KIAA0930: variants seen among roughly 807,000 people sequenced by gnomAD.
The protein encoded by KIAA0930 is uncharacterized protein KIAA0930.
A neutral mutation model predicts 43.9 loss-of-function variants in KIAA0930; 24 were observed. The observed-to-expected ratio is 0.55, with a 90% confidence interval of 0.40 to 0.77. The LOEUF (loss-of-function observed/expected upper bound fraction) is 0.77. Among genes scored for constraint, KIAA0930 ranks in the 30% least tolerant of loss-of-function variants. The pLI is 0.00. For synonymous variants in KIAA0930, 259 were observed against 216.4 expected, an observed-to-expected ratio of 1.20 and a Z score of -1.73; for missense variants, 461 against 574.2, an observed-to-expected ratio of 0.80 and a Z score of 2.02.
At chr22:45,198,481 G>A (rs2083557134) in intron 8 of KIAA0930, among the ~76,000 whole-genome samples, 1 of 152,220 alleles carries the variant, frequency 6.6e-6, no homozygotes, top group Admixed American at 6.5e-5. Flanking sequence ...GCAGGTCGAG[G>A]CCAGTGCTGG....
At position 45,196,972 on chromosome 22, in the gene KIAA0930, C is replaced by T. The variant is rs1037606535; in HGVS notation, c.*204G>A. Reference sequence around the variant, plus strand: ...GGGCGGGGGGCACAGGGCGGAGCAGCGCCAGCAGGGGAGGGAAGAGGCACT... The same window carrying T: ...GGGCGGGGGGCACAGGGCGGAGCAGTGCCAGCAGGGGAGGGAAGAGGCACT... On this transcript the variant is annotated 3_prime_UTR_variant, in exon 10 of 10. Transcript: ENST00000336156. This position sits in a 1 kb window ranked among gnomAD's most constrained non-coding sequence, Gnocchi z 4.1. The T allele has an allele frequency of 3.7e-6, 2 of 541,712 alleles. No individual in the cohort carries two copies. The highest frequency in any genetic ancestry group is 6.5e-6 in the Non-Finnish European group (2 of 306,888). The allele number at this position is 541,712 out of a possible 1,614,324, so 33.6% of individuals were successfully genotyped here. A position where few individuals can be genotyped will look rare whatever the true frequency, so the allele number is the denominator to read the frequency against.
Position 45,196,873 on chromosome 22 carries a change from C to T in KIAA0930, c.*303G>A. ...CTGGGCATCAGCTGCTCCTTCCGCT[C>T]TCTCTCATGGCCGCTCGGCATCTCT... On this transcript the variant is annotated 3_prime_UTR_variant, in exon 10 of 10. Coordinates refer to ENST00000336156, the MANE Select transcript of KIAA0930 (RefSeq NM_001009880.2). The surrounding 1 kb of genome is among the most constrained non-coding windows in gnomAD (Gnocchi z 4.1). 2.6e-6 allele frequency: 1 copy of T among 388,362 alleles called. No individual in the cohort carries two copies. Among genetic ancestry groups the T allele is most frequent in the Admixed American group, 4.7e-5 (1 of 21,420 alleles). The allele number at this position is 388,362 out of a possible 1,614,324, so 24.1% of individuals were successfully genotyped here. A position where few individuals can be genotyped will look rare whatever the true frequency, so the allele number is the denominator to read the frequency against.
chr22:45,201,372 G>A (rs1032163154), intron 7 of KIAA0930, among the ~76,000 whole-genome samples: 2 of 152,136 alleles, frequency 1.3e-5, no homozygotes, highest in African/African-American at 4.8e-5. Context: ...AGCTGCTAAG[G>A]CACCAGGGAC....
At chr22:45,218,550 G>A (rs1244851333) in intron 1 of KIAA0930, among the ~76,000 whole-genome samples, 1 of 151,656 alleles carries the variant, frequency 6.6e-6, no homozygotes, top group Non-Finnish European at 1.5e-5. Context: ...TTTATGAGGT[G>A]GGGACCACCT....
intron 6 of KIAA0930, among the ~76,000 whole-genome samples, 172 bp downstream of exon 6, chr22:45,203,673 C>T (rs1256419241): frequency 2.0e-5 from 3 of 152,100 alleles, no homozygotes; most frequent in Non-Finnish European, 2.9e-5. Context: ...TGAAGAATGA[C>T]GTTAAGAGGA....
At chr22:45,231,481 G>A (rs1425272087) in intron 1 of KIAA0930, among the ~76,000 whole-genome samples, 1 of 152,124 alleles carries the variant, frequency 6.6e-6, no homozygotes, top group Non-Finnish European at 1.5e-5. Context: ...ACAGGATACA[G>A]AGGCAGGGGT....
chr22:45,217,947 G>A (rs1808264760), intron 1 of KIAA0930, among the ~76,000 whole-genome samples: 1 of 152,138 alleles, frequency 6.6e-6, no homozygotes, highest in African/African-American at 2.4e-5. Context: ...GGACTAGCAG[G>A]GGAGAGGGCG....
intron 1 of KIAA0930, among the ~76,000 whole-genome samples, chr22:45,232,653 G>C (rs543039771): frequency 1.8e-4 from 28 of 152,314 alleles, no homozygotes; most frequent in Non-Finnish European, 3.7e-4. Context: ...TGCCTCAGCC[G>C]AAACTGGGAC....
At chr22:45,227,629 T>C (rs2083810446) in intron 1 of KIAA0930, among the ~76,000 whole-genome samples, 1 of 152,092 alleles carries the variant, frequency 6.6e-6, no homozygotes, top group Non-Finnish European at 1.5e-5. Flanking sequence ...GGGCTGTCAC[T>C]GGAATGAAAC....
intron 1 of KIAA0930, among the ~76,000 whole-genome samples, chr22:45,216,640 C>T (rs2083734363): frequency 1.3e-5 from 2 of 152,086 alleles, no homozygotes; most frequent in African/African-American, 2.4e-5. Context: ...CAGGGGCTGC[C>T]GAGCAAGAAA....
chr22:45,198,138 C>T lies in KIAA0930; in HGVS notation c.1016-190G>A, dbSNP rs761345892. 180 of 593,580 alleles carry T rather than the reference C, an allele frequency of 3.0e-4. No individual in the cohort carries two copies. In the Middle Eastern group the frequency reaches 4.5e-3, roughly 15 times the overall value. 36.8% of individuals were successfully genotyped at this position (593,580 alleles called of 1,614,324 possible). ...TCGCCTGTAACACCCCTCCCTGCTT[C>T]CTCTGGCCCAGACCCAGGCCTCCAA... On this transcript the variant is annotated intron_variant, in intron 8 of 9. Transcript: ENST00000336156.
At chr22:45,211,813 G>C in intron 2 of KIAA0930, 143 bp downstream of exon 2, 1 of 850,184 alleles carries the variant, frequency 1.2e-6, no homozygotes, top group Non-Finnish European at 1.9e-6. Context: ...ACAGTTCCTG[G>C]AATACAGTAG....
At chr22:45,235,524 G>A (rs1017860896) in intron 1 of KIAA0930, 9 of 147,432 alleles carry the variant, frequency 6.1e-5, no homozygotes, top group Admixed American at 2.0e-4. Flanking sequence ...AACTAGCTCT[G>A]ACTGCTGTGG....
rs2083600213 is a variant in KIAA0930 at position 45,202,755 on chromosome 22, A to G, written c.852+235T>C. 6.5e-6 allele frequency: 3 copies of G among 461,732 alleles called. 1 individual carries two copies. The highest frequency in any genetic ancestry group is 7.4e-5 in the East Asian group (2 of 26,892). 28.6% of individuals were successfully genotyped at this position (461,732 alleles called of 1,614,324 possible). ...CTGCGGTGTGACCTTGGCCAGGCACAGCCCTCCAGGTCTGCAAGGCAGGAA... is the reference window on the plus strand; with the variant it reads ...CTGCGGTGTGACCTTGGCCAGGCACGGCCCTCCAGGTCTGCAAGGCAGGAA... On this transcript the variant is annotated intron_variant, in intron 7 of 9. Transcript: ENST00000336156.
Position 45,197,214 on chromosome 22 carries a change from T to C in KIAA0930, c.1177A>G (p.Ile393Val), listed in dbSNP as rs745497797. The C allele has an allele frequency of 3.2e-6, 5 of 1,550,390 alleles. No homozygotes were observed. The highest frequency in any genetic ancestry group is 2.4e-5 in the South Asian group (2 of 83,850). Residue 393 changes from isoleucine to valine, a missense_variant and splice_region_variant, in exon 10 of 10, where the codon ATC becomes GTC. Ile to Val is a conservative substitution (Grantham distance 29). Transcript: ENST00000336156. ...ATGGGCTTCTGCCGAACTTCCAGGA[T>C]GTCTAGGGCCGGCAGGAGGGAAGCA... ...TLPLHRILTD[I>V]LEVRQKPILM... is the part of the protein sequence containing the mutation.
intron 2 of KIAA0930, among the ~76,000 whole-genome samples, chr22:45,210,036 G>A (rs140898210): frequency 6.6e-6 from 1 of 152,278 alleles, no homozygotes; most frequent in East Asian, 1.9e-4. Context: ...GGCCTATCCA[G>A]GGTGCACACA....
chr22:45,219,533 GAACT>G (rs1413860583), intron 1 of KIAA0930, among the ~76,000 whole-genome samples: 1 of 136,154 alleles, frequency 7.3e-6, no homozygotes, highest in Non-Finnish European at 1.6e-5. Flanking sequence ...AAATGTCCAA[GAACT>G]ATCTCCCAAA....
At chr22:45,203,265 G>T in intron 6 of KIAA0930, 81 bp from the exon 7 acceptor site, 1 of 1,401,788 alleles carries the variant, frequency 7.1e-7, no homozygotes, top group African/African-American at 1.4e-5. Flanking sequence ...TGAACAGCCA[G>T]GGCGACCATC....
intron 6 of KIAA0930, 146 bp downstream of exon 6, chr22:45,203,699 A>G (rs1293933131): frequency 2.4e-6 from 2 of 837,326 alleles, no homozygotes; most frequent in African/African-American, 1.7e-5. Context: ...GAGCGCCTAG[A>G]AGGAGCCCGG....
Sources: gnomAD v4.1 joint callset for allele counts (sites outside exome capture counted in the v4.1 genomes callset) on GRCh38, gnomAD v4.1.1 for gene constraint, Gnocchi (gnomAD v3.1) non-coding constraint, MANE v1.5 for transcripts, NCBI Gene and HGNC (gene_info 2026-07-23, HGNC 2026-07-21) for gene names.